The following ARMC9 variants were observed in gnomAD, a reference collection of about 807,000 sequenced individuals.
ARMC9 encodes the protein armadillo repeat containing 9.
ARMC9 carries 94 observed loss-of-function variants against 107.0 expected under a neutral mutation model. The observed-to-expected ratio is 0.88, with a 90% CI of 0.74 to 1.04. The LOEUF (loss-of-function observed/expected upper bound fraction) is 1.04. ARMC9 is among the 50% of genes least tolerant of loss of function. The pLI is 0.00. For synonymous variants in ARMC9, 380 were observed against 396.9 expected (o/e 0.96, Z 0.51); for missense variants, 942 against 1,030.1 (o/e 0.91, Z 1.17).
At chr2:231,290,594 G>C (rs956259114) in intron 17 of ARMC9, among the ~76,000 whole-genome samples, 1 of 152,202 alleles carries the variant, frequency 6.6e-6, no homozygotes, top group African/African-American at 2.4e-5. Flanking sequence ...TCCTGCCAGG[G>C]AAGAGGAGGG....
chr2:231,276,397 A>G (rs939562355), intron 14 of ARMC9, among the ~76,000 whole-genome samples: 10 of 151,806 alleles, frequency 6.6e-5, no homozygotes, highest in Non-Finnish European at 1.3e-4. Flanking sequence ...CAGCCTCCCA[A>G]GTAGCTGGGA....
intron 11 of ARMC9, among the ~76,000 whole-genome samples, chr2:231,261,926 C>T (rs1351817358): frequency 6.6e-6 from 1 of 151,920 alleles, no homozygotes; most frequent in African/African-American, 2.4e-5. Flanking sequence ...GGGTTCACGC[C>T]ATTCTCCTGC....
At chr2:231,214,402 A>G (rs549264759) in intron 3 of ARMC9, among the ~76,000 whole-genome samples, 5 of 152,318 alleles carry the variant, frequency 3.3e-5, no homozygotes, top group Admixed American at 1.3e-4. Context: ...ATGTGGAGCC[A>G]TGCTGTCAGC....
At chr2:231,280,447 G>A (rs1038409572) in intron 16 of ARMC9, among the ~76,000 whole-genome samples, 4 of 152,052 alleles carry the variant, frequency 2.6e-5, no homozygotes, top group Non-Finnish European at 5.9e-5. Flanking sequence ...GACAGAGCGA[G>A]ACTCTGTCTC....
chr2:231,338,885 G>C (rs1198008612), intron 20 of ARMC9, among the ~76,000 whole-genome samples: 1 of 143,076 alleles, frequency 7.0e-6, no homozygotes, highest in Non-Finnish European at 1.5e-5. Flanking sequence ...ATATGAAGAT[G>C]TTTTTAATGT....
intron 3 of ARMC9, among the ~76,000 whole-genome samples, chr2:231,213,105 A>C (rs2033085145): frequency 6.6e-6 from 1 of 152,226 alleles, no homozygotes; most frequent in East Asian, 1.9e-4. Flanking sequence ...ATAAACAGAT[A>C]AAACAAGTAA....
At chr2:231,351,863 A>G (rs1035174849) in intron 21 of ARMC9, among the ~76,000 whole-genome samples, 6 of 152,132 alleles carry the variant, frequency 3.9e-5, no homozygotes, top group African/African-American at 1.4e-4. Context: ...CTTCACCACC[A>G]GCACCCTCTG....
At position 231,360,653 on chromosome 2, in the gene ARMC9, G is replaced by T; in HGVS notation, c.2132-101G>T. 1 of 1,516,154 alleles carries T rather than the reference G, an allele frequency of 6.6e-7. No individual in the cohort carries two copies. The highest frequency in any genetic ancestry group is 1.2e-5 in the South Asian group (1 of 83,456). The allele number at this position is 1,516,154 out of a possible 1,614,324, so 93.9% of individuals were successfully genotyped here. ...CAGGGAGCCCGCAGGGCCTGGCCTGGGGTGCGTGCTTTTCTTGGCTTTCCA... is the reference window on the plus strand; with the variant it reads ...CAGGGAGCCCGCAGGGCCTGGCCTGTGGTGCGTGCTTTTCTTGGCTTTCCA... On this transcript the variant is annotated intron_variant, in intron 22 of 24. Coordinates refer to ENST00000611582, the MANE Select transcript of ARMC9 (RefSeq NM_001352754.2). The surrounding 1 kb of genome is among the most constrained non-coding windows in gnomAD (Gnocchi z 4.7).
intron 20 of ARMC9, among the ~76,000 whole-genome samples, chr2:231,340,155 G>A (rs1051474456): frequency 6.6e-6 from 1 of 152,204 alleles, no homozygotes; most frequent in Non-Finnish European, 1.5e-5. Flanking sequence ...AACAAAGAGA[G>A]GCAATGGTGG....
At chr2:231,264,306 G>A (rs2038653666) in intron 12 of ARMC9, among the ~76,000 whole-genome samples, 1 of 151,838 alleles carries the variant, frequency 6.6e-6, no homozygotes. Flanking sequence ...AGCCTCCCAA[G>A]TAGCTGGGAT....
intron 5 of ARMC9, among the ~76,000 whole-genome samples, chr2:231,222,380 G>A (rs751288391): frequency 6.6e-6 from 1 of 152,182 alleles, no homozygotes; most frequent in Non-Finnish European, 1.5e-5. Flanking sequence ...ACGCCTCCCA[G>A]TGCTGTGCGT....
chr2:231,244,214 C>T (rs1217300465), intron 9 of ARMC9, among the ~76,000 whole-genome samples: 1 of 152,172 alleles, frequency 6.6e-6, no homozygotes, highest in African/African-American at 2.4e-5. Flanking sequence ...AACTTACTCA[C>T]TGTTAAAAAT....
intron 8 of ARMC9, among the ~76,000 whole-genome samples, chr2:231,236,317 G>C (rs2035708726): frequency 6.6e-6 from 1 of 152,062 alleles, no homozygotes; most frequent in Non-Finnish European, 1.5e-5. Flanking sequence ...TTTGTGTTTT[G>C]CTTTTAAAAT....
intron 13 of ARMC9, among the ~76,000 whole-genome samples, chr2:231,272,633 A>G (rs995889323): frequency 2.0e-5 from 3 of 152,010 alleles, no homozygotes; most frequent in Admixed American, 6.6e-5. Context: ...CTCCTGCCTC[A>G]GCCTCCCGAG....
intron 4 of ARMC9, 56 bp from the exon 5 acceptor site, chr2:231,216,582 C>T: frequency 6.4e-7 from 1 of 1,562,090 alleles, no homozygotes; most frequent in Non-Finnish European, 8.7e-7. Context: ...ATGGGGTGAG[C>T]AGATAGACTG....
chr2:231,370,569 C>T (rs918112313), intron 24 of ARMC9: 1 of 162,746 alleles, frequency 6.1e-6, no homozygotes. Flanking sequence ...CTCGGTCAGG[C>T]CACCCCCAGG....
intron 11 of ARMC9, among the ~76,000 whole-genome samples, chr2:231,260,108 A>G (rs558558999): frequency 6.6e-6 from 1 of 152,324 alleles, no homozygotes; most frequent in South Asian, 2.1e-4. Flanking sequence ...GACAAATACT[A>G]CTTTCCAAAC....
intron 19 of ARMC9, among the ~76,000 whole-genome samples, chr2:231,308,166 G>A (rs145454737): frequency 2.0e-5 from 3 of 152,354 alleles, no homozygotes; most frequent in East Asian, 3.9e-4. Flanking sequence ...ACTGGGGACC[G>A]GAAGAGCTTA....
intron 9 of ARMC9, among the ~76,000 whole-genome samples, chr2:231,253,355 T>G (rs978092201): frequency 2.6e-5 from 4 of 152,110 alleles, no homozygotes; most frequent in African/African-American, 9.7e-5. Flanking sequence ...CCTCAAGTGA[T>G]TTGCCTGCCT....
Sources: gnomAD v4.1 joint callset for allele counts (sites outside exome capture counted in the v4.1 genomes callset) on GRCh38, gnomAD v4.1.1 for gene constraint, Gnocchi (gnomAD v3.1) non-coding constraint, MANE v1.5 for transcripts, NCBI Gene and HGNC (gene_info 2026-07-23, HGNC 2026-07-21) for gene names.